ABCA13: variants seen among roughly 807,000 people sequenced by gnomAD.
ABCA13 encodes the protein ATP-binding cassette sub-family A member 13.
In ABCA13, 476 loss-of-function variants were observed where a neutral mutation model predicts 478.7. That is an observed-to-expected ratio of 0.99 (90% CI 0.92 to 1.07). The LOEUF is 1.07. Among genes scored for constraint, ABCA13 ranks in the 50% least tolerant of loss-of-function variants. ABCA13 has a pLI of 0.00. For synonymous variants in ABCA13, 2,252 were observed against 2,158.9 expected (o/e 1.04, Z -1.20); for missense variants, 6,060 against 5,910.6 (o/e 1.03, Z -0.83).
intron 45 of ABCA13, among the ~76,000 whole-genome samples, chr7:48,479,284 C>G (rs1828504262): frequency 6.6e-6 from 1 of 152,080 alleles, no homozygotes; most frequent in Admixed American, 6.6e-5. Context: ...GTGGCCCAGG[C>G]TGGAGTGCAG....
At chr7:48,238,704 G>A (rs547535476) in intron 8 of ABCA13, among the ~76,000 whole-genome samples, 1 of 152,234 alleles carries the variant, frequency 6.6e-6, no homozygotes, top group East Asian at 1.9e-4. Context: ...TCCTGACCTC[G>A]TGATCCACCC....
intron 4 of ABCA13, among the ~76,000 whole-genome samples, chr7:48,220,421 C>A (rs554616678): frequency 2.0e-4 from 30 of 152,228 alleles, no homozygotes; most frequent in African/African-American, 7.2e-4. Context: ...TTTAAATTTG[C>A]TAAATCTGAT....
chr7:48,617,304 C>T (rs1349929003), intron 59 of ABCA13, among the ~76,000 whole-genome samples: 1 of 152,162 alleles, frequency 6.6e-6, no homozygotes, highest in Non-Finnish European at 1.5e-5. Context: ...CTCTCCATCC[C>T]TTTCTTTCCA....
chr7:48,465,574 A>C (rs1826785299), intron 43 of ABCA13, among the ~76,000 whole-genome samples: 1 of 148,346 alleles, frequency 6.7e-6, no homozygotes, highest in Non-Finnish European at 1.5e-5. Context: ...TATTGCTCAT[A>C]ATAATTATAC....
chr7:48,303,625 C>CGAA (rs1293290227), intron 23 of ABCA13, among the ~76,000 whole-genome samples: 5 of 151,902 alleles, frequency 3.3e-5, no homozygotes, highest in Non-Finnish European at 5.9e-5. Flanking sequence ...TCAGGTTTGT[C>CGAA]GAAGATCAGA....
intron 57 of ABCA13, among the ~76,000 whole-genome samples, chr7:48,590,108 A>G (rs1441167783): frequency 1.3e-5 from 2 of 151,352 alleles, no homozygotes; most frequent in African/African-American, 4.9e-5. Flanking sequence ...GCACCTTTCT[A>G]CTCTCTCTTC....
chr7:48,396,751 T>C (rs1052277699), intron 38 of ABCA13, among the ~76,000 whole-genome samples: 2 of 152,150 alleles, frequency 1.3e-5, no homozygotes, highest in Admixed American at 6.5e-5. Flanking sequence ...GCAGTAGCTT[T>C]AAAATGCACT....
At chr7:48,236,214 A>C (rs1789927904) in intron 8 of ABCA13, among the ~76,000 whole-genome samples, 1 of 152,174 alleles carries the variant, frequency 6.6e-6, no homozygotes, top group Non-Finnish European at 1.5e-5. Context: ...AGGGGAGGAA[A>C]TATATGGTGA....
chr7:48,411,615 A>T (rs972165112), intron 40 of ABCA13, among the ~76,000 whole-genome samples: 1 of 152,030 alleles, frequency 6.6e-6, no homozygotes, highest in Non-Finnish European at 1.5e-5. Flanking sequence ...GCCTAGAAAT[A>T]TTTTTTTGAC....
chr7:48,296,287 C>G (rs960654012), intron 21 of ABCA13, among the ~76,000 whole-genome samples: 3 of 152,050 alleles, frequency 2.0e-5, no homozygotes, highest in African/African-American at 7.2e-5. Flanking sequence ...ATGGTCCCAA[C>G]CACATAGGAG....
rs781667359 is a variant in ABCA13 at position 48,274,288 on chromosome 7, A to G, written c.4622A>G (p.Gln1541Arg). The change falls in exon 17 of 62, where the codon CAA (glutamine) becomes CGA (arginine). Residue 1541 changes from glutamine (Q) to arginine (R), a missense_variant. Gln to Arg is a conservative substitution (Grantham distance 43, BLOSUM62 1). Around this residue, in one of 3 missense-constraint regions of ABCA13, gnomAD observed 4,423 missense variants for 4,309.1 expected, o/e 1.03. Transcript: ENST00000435803. ...TCAGATGAAATTCCTAATCAGTTTC[A>G]AAATATTTGGCTTCATTTAATAACA... is the stretch of plus-strand genomic sequence containing the variant. ...EMSDEIPNQFQNIWLHLITLG... is the reference protein window; with the variant it reads ...EMSDEIPNQFRNIWLHLITLG... 11 of 1,613,392 alleles carry G rather than the reference A, an allele frequency of 6.8e-6. No individual in the cohort carries two copies. Among genetic ancestry groups the G allele is most frequent in the Non-Finnish European group, 9.3e-6 (11 of 1,179,630 alleles).
chr7:48,339,230 G>A (rs138905075), intron 29 of ABCA13, among the ~76,000 whole-genome samples: 7 of 152,134 alleles, frequency 4.6e-5, no homozygotes, highest in Non-Finnish European at 1.0e-4. Context: ...CATTTTATTC[G>A]GCATAATATA....
In ABCA13 at chr7:48,279,404, T is replaced by G. The variant is rs1404822191; in HGVS notation, c.8210T>G (p.Met2737Arg). 3 of 1,601,112 alleles carry G rather than the reference T, an allele frequency of 1.9e-6. No individual in the cohort carries two copies. Among genetic ancestry groups the G allele is most frequent in the Admixed American group, 1.7e-5 (1 of 58,144 alleles). Residue 2737 changes from methionine to arginine, a missense_variant, in exon 18 of 62, where the codon ATG (methionine) becomes AGG (arginine). Coordinates refer to ENST00000435803, the MANE Select transcript of ABCA13 (RefSeq NM_152701.5). ...NSTEIGSFLK[M>R]VICLTLEALW... ...ACAGAAATAGGATCTTTCTTGAAAA[T>G]GGTGATCTGTCTCACCTTAGAAGCT...
intron 45 of ABCA13, among the ~76,000 whole-genome samples, chr7:48,480,403 C>T (rs185538256): frequency 6.7e-6 from 1 of 148,376 alleles, no homozygotes; most frequent in East Asian, 2.2e-4. Flanking sequence ...AGAGTCGTTT[C>T]CTATTTTAAT....
intron 31 of ABCA13, among the ~76,000 whole-genome samples, chr7:48,353,853 AG>A (rs1273624311): frequency 6.6e-6 from 1 of 151,996 alleles, no homozygotes; most frequent in East Asian, 1.9e-4. Context: ...ATTTTCACTC[AG>A]GGGCTGCCTT....
chr7:48,312,199 C>G (rs766031494), intron 24 of ABCA13, among the ~76,000 whole-genome samples: 1 of 152,162 alleles, frequency 6.6e-6, no homozygotes, highest in Non-Finnish European at 1.5e-5. Flanking sequence ...AAATAAGAAG[C>G]AGTGACAACT....
chr7:48,323,992 C>T (rs1206970534), intron 27 of ABCA13, among the ~76,000 whole-genome samples: 1 of 152,170 alleles, frequency 6.6e-6, no homozygotes, highest in African/African-American at 2.4e-5. Context: ...ATGAGGCCTC[C>T]CTAGCCATAT....
rs551330333 is a variant in ABCA13, at chr7:48,375,607, G to T, written c.11204-834G>T. 6.0e-5 allele frequency among the ~76,000 whole-genome samples: 9 copies of T among 151,116 alleles called. No individual in the cohort carries two copies. The South Asian group carries it at 1.3e-3, about 21-fold the overall frequency. ...CATATATTTCATAGATATTTGTATGGTTTTTTTTGGGGGGGGGTGTTTTTG... is the reference window on the plus strand; with the variant it reads ...CATATATTTCATAGATATTTGTATGTTTTTTTTTGGGGGGGGGTGTTTTTG... On this transcript the variant is annotated intron_variant, in intron 34 of 61. Transcript: ENST00000435803.
chr7:48,392,049 A>G lies in ABCA13; in HGVS notation c.11783A>G (p.Asp3928Gly). The G allele has an allele frequency of 6.2e-7, 1 of 1,613,976 alleles. No individual in the cohort carries two copies. The highest frequency in any genetic ancestry group is 8.5e-7 in the Non-Finnish European group (1 of 1,179,880). The stretch of plus-strand genomic sequence containing the variant: ...TGTCCGCAGCAGGACATCCTGTTGG[A>G]CAACCTCACCGTCCGGGAACATTTG... ...GVCPQQDILLDNLTVREHLLL... is the reference protein window; with the variant it reads ...GVCPQQDILLGNLTVREHLLL... Residue 3928 changes from aspartate (D) to glycine (G), a missense_variant, in exon 38 of 62, where the codon GAC becomes GGC. Around this residue, in one of 3 missense-constraint regions of ABCA13, gnomAD observed 1,627 missense variants for 1,571.0 expected, o/e 1.04. Transcript: ENST00000435803.
Sources: gnomAD v4.1 joint callset for allele counts (sites outside exome capture counted in the v4.1 genomes callset) on GRCh38, gnomAD v4.1.1 for gene constraint, gnomAD v4.1.1 regional missense constraint, MANE v1.5 for transcripts, NCBI Gene and HGNC (gene_info 2026-07-23, HGNC 2026-07-21) for gene names.